Variants in FNDC3B observed in about 807,000 individuals in gnomAD.
The protein encoded by FNDC3B is fibronectin type III domain containing 3B.
FNDC3B carries 12 observed loss-of-function variants against 151.5 expected under a neutral mutation model. That is an observed-to-expected ratio of 0.08 (90% confidence interval 0.05 to 0.13). FNDC3B has a LOEUF of 0.13. FNDC3B is among the 10% of genes least tolerant of loss of function. FNDC3B has a pLI of 1.00. For missense variants in FNDC3B, 1,214 were observed against 1,505.3 expected (o/e 0.81, Z 3.20); for synonymous variants, 528 against 549.0 (o/e 0.96, Z 0.54).
intron 3 of FNDC3B, among the ~76,000 whole-genome samples, chr3:172,194,896 A>G (rs2108679358): frequency 6.6e-6 from 1 of 152,302 alleles, no homozygotes; most frequent in East Asian, 1.9e-4. Flanking sequence ...CTGTTATGTT[A>G]TCAGGTTGCC....
At chr3:172,323,658 C>T (rs1001205947) in intron 11 of FNDC3B, among the ~76,000 whole-genome samples, 5 of 152,166 alleles carry the variant, frequency 3.3e-5, no homozygotes, top group Admixed American at 2.6e-4. Context: ...TGCTATGTAG[C>T]CACATAGTGC....
At chr3:172,346,553 T>A in intron 20 of FNDC3B, 113 bp downstream of exon 20, 1 of 621,182 alleles carries the variant, frequency 1.6e-6, no homozygotes. Flanking sequence ...TGATTTTTTT[T>A]TTTTTTTTGC....
At chr3:172,252,553 G>A (rs1362725613) in intron 6 of FNDC3B, among the ~76,000 whole-genome samples, 1 of 151,690 alleles carries the variant, frequency 6.6e-6, no homozygotes, top group Non-Finnish European at 1.5e-5. Context: ...AAGGGACTGT[G>A]TCTGTGAGAA....
Position 172,343,047 on chromosome 3 carries a change from G to T in FNDC3B, c.2008G>T (p.Ala670Ser). Reference sequence around the variant, plus strand: ...TCTCCCTGTTCGCACACTAAGCATTGCACCAGGTCAATGTCGACCACCGAG... The same window carrying T: ...TCTCCCTGTTCGCACACTAAGCATTTCACCAGGTCAATGTCGACCACCGAG... ...ESLPVRTLSI[A>S]PGQCRPPRVL... Residue 670 changes from alanine to serine, a missense_variant, in exon 18 of 26, where the codon GCA becomes TCA. Ala to Ser is a moderately conservative substitution (Grantham distance 99). Coordinates refer to ENST00000415807, the MANE Select transcript of FNDC3B (RefSeq NM_022763.4). 1 of 1,612,974 alleles carries T rather than the reference G, an allele frequency of 6.2e-7. No individual in the cohort carries two copies. Among genetic ancestry groups the T allele is most frequent in the Non-Finnish European group, 8.5e-7 (1 of 1,179,432 alleles).
chr3:172,209,437 C>G (rs983533299), intron 3 of FNDC3B, among the ~76,000 whole-genome samples: 1 of 152,124 alleles, frequency 6.6e-6, no homozygotes, highest in Non-Finnish European at 1.5e-5. Context: ...CCGAGAGGAG[C>G]TTTATTGAGC....
At chr3:172,080,149 C>G (rs1718206770) in intron 1 of FNDC3B, among the ~76,000 whole-genome samples, 2 of 152,100 alleles carry the variant, frequency 1.3e-5, no homozygotes, top group Non-Finnish European at 2.9e-5. Flanking sequence ...GCCTTGTATC[C>G]AGGGCTTTGA....
At chr3:172,064,124 A>G (rs1286413854) in intron 1 of FNDC3B, among the ~76,000 whole-genome samples, 2 of 152,190 alleles carry the variant, frequency 1.3e-5, no homozygotes, top group African/African-American at 4.8e-5. Flanking sequence ...CCTGGACAAC[A>G]TAGCAAGACT....
intron 3 of FNDC3B, among the ~76,000 whole-genome samples, chr3:172,160,645 G>T (rs764176661): frequency 6.6e-6 from 1 of 152,190 alleles, no homozygotes; most frequent in Non-Finnish European, 1.5e-5. Context: ...CAATAGTGGA[G>T]CAAGATTAAT....
chr3:172,084,470 T>TAC (rs774135456), intron 1 of FNDC3B, among the ~76,000 whole-genome samples: 1 of 46,568 alleles, frequency 2.1e-5, no homozygotes, highest in East Asian at 4.7e-4. Flanking sequence ...TATGTATATG[T>TAC]ATACACACAC....
intron 7 of FNDC3B, among the ~76,000 whole-genome samples, chr3:172,293,139 A>G (rs1461132935): frequency 6.6e-6 from 1 of 152,240 alleles, no homozygotes; most frequent in East Asian, 1.9e-4. Context: ...TTGTATCCAC[A>G]GCCCCTCACA....
intron 2 of FNDC3B, among the ~76,000 whole-genome samples, chr3:172,113,290 G>A (rs183131457): frequency 9.2e-5 from 14 of 152,236 alleles, no homozygotes; most frequent in South Asian, 4.1e-4. Context: ...GCATAAAAGC[G>A]AATTTTTATT....
chr3:172,091,683 TTC>T (rs1440530652), intron 1 of FNDC3B, among the ~76,000 whole-genome samples: 20 of 152,350 alleles, frequency 1.3e-4, no homozygotes, highest in Admixed American at 9.1e-4. Context: ...AGAATACGTA[TTC>T]ATATCTGTTA....
At chr3:172,329,931 A>T (rs1441840687) in intron 12 of FNDC3B, 1 of 152,252 alleles carries the variant, frequency 6.6e-6, no homozygotes, top group African/African-American at 2.4e-5. Flanking sequence ...TATATATTGT[A>T]AAACATTATT....
intron 12 of FNDC3B, chr3:172,329,871 A>C (rs1732554757): frequency 6.6e-6 from 1 of 152,188 alleles, no homozygotes; most frequent in South Asian, 2.1e-4. Flanking sequence ...ATGGCTCAAG[A>C]ATTTTTAAAT....
At chr3:172,205,311 G>A (rs539057803) in intron 3 of FNDC3B, among the ~76,000 whole-genome samples, 2 of 152,288 alleles carry the variant, frequency 1.3e-5, no homozygotes, top group East Asian at 3.9e-4. Context: ...GGGTAGGAGA[G>A]GGCCTGGCAA....
chr3:172,321,907 G>T (rs1467857102), intron 11 of FNDC3B, among the ~76,000 whole-genome samples: 1 of 151,984 alleles, frequency 6.6e-6, no homozygotes, highest in African/African-American at 2.4e-5. Context: ...CATTTATTTT[G>T]TATGCTAGCA....
chr3:172,130,229 A>T (rs1480425326), intron 2 of FNDC3B, among the ~76,000 whole-genome samples: 8 of 152,178 alleles, frequency 5.3e-5, no homozygotes, highest in Admixed American at 3.3e-4. Context: ...AGCCTCCCTC[A>T]GTATAATAAA....
At chr3:172,221,702 A>G (rs925954132) in intron 3 of FNDC3B, among the ~76,000 whole-genome samples, 2 of 152,110 alleles carry the variant, frequency 1.3e-5, no homozygotes, top group Non-Finnish European at 2.9e-5. Context: ...AAAAAAAAAG[A>G]ATGTCAAGGC....
intron 11 of FNDC3B, among the ~76,000 whole-genome samples, chr3:172,319,510 A>C (rs991267165): frequency 6.6e-6 from 1 of 152,192 alleles, no homozygotes; most frequent in Non-Finnish European, 1.5e-5. Flanking sequence ...GTGCTGAGGG[A>C]TAAAATGCCT....
Sources: gnomAD v4.1 joint callset for allele counts (sites outside exome capture counted in the v4.1 genomes callset) on GRCh38, gnomAD v4.1.1 for gene constraint, MANE v1.5 for transcripts, NCBI Gene and HGNC (gene_info 2026-07-23, HGNC 2026-07-21) for gene names.